The following LRMDA variants were observed in gnomAD, a reference collection of about 807,000 sequenced individuals.
LRMDA encodes the protein leucine-rich melanocyte differentiation-associated protein.
Under a neutral mutation model 29.8 loss-of-function variants are expected in LRMDA, and 18 were observed. The ratio of observed to expected loss-of-function variants is 0.60; its 90% CI spans 0.42 to 0.90. The LOEUF is 0.90. LRMDA is among the 40% of genes least tolerant of loss of function. LRMDA has a pLI of 0.00. For missense variants in LRMDA, 273 were observed against 273.9 expected (o/e 1.00, Z 0.02); for synonymous variants, 125 against 109.4 (o/e 1.14, Z -0.89).
At chr10:75,875,148 T>G (rs1384303545) in intron 2 of LRMDA, among the ~76,000 whole-genome samples, 2 of 152,212 alleles carry the variant, frequency 1.3e-5, no homozygotes, top group South Asian at 2.1e-4. Flanking sequence ...TAGAGAGAGA[T>G]AGAAGAGTGG....
intron 2 of LRMDA, among the ~76,000 whole-genome samples, chr10:75,974,514 T>TTATTGA (rs1645974484): frequency 6.6e-6 from 1 of 152,168 alleles, no homozygotes; most frequent in Non-Finnish European, 1.5e-5. Flanking sequence ...AGGGTTGCTG[T>TTATTGA]TATTGATAAT....
intron 3 of LRMDA, 22 bp downstream of exon 3, chr10:76,036,156 G>A (rs1395905337): frequency 6.2e-7 from 1 of 1,604,602 alleles, no homozygotes; most frequent in Non-Finnish European, 8.5e-7. Context: ...TCTGCCCGCT[G>A]CCCCCACTCC....
At chr10:76,259,849 A>G (rs866714240) in intron 5 of LRMDA, among the ~76,000 whole-genome samples, 1 of 151,996 alleles carries the variant, frequency 6.6e-6, no homozygotes, top group Non-Finnish European at 1.5e-5. Flanking sequence ...ATCTCTTTTT[A>G]GAACTTTTTA....
intron 2 of LRMDA, among the ~76,000 whole-genome samples, chr10:75,794,020 C>T (rs1461048187): frequency 6.6e-6 from 1 of 152,236 alleles, no homozygotes; most frequent in Non-Finnish European, 1.5e-5. Context: ...ATGTTCCAAT[C>T]AACTTTTGTT....
chr10:75,731,456 G>A (rs371851711), intron 2 of LRMDA, among the ~76,000 whole-genome samples: 21 of 152,304 alleles, frequency 1.4e-4, no homozygotes, highest in East Asian at 1.2e-3. Flanking sequence ...GAAGTAGAAC[G>A]TTGTCTTTCT....
intron 2 of LRMDA, among the ~76,000 whole-genome samples, chr10:75,862,875 C>T (rs373597940): frequency 1.4e-4 from 22 of 152,178 alleles, no homozygotes; most frequent in African/African-American, 1.9e-4. Context: ...GAGGGCAGTC[C>T]ATTTCTTACC....
At chr10:75,750,109 C>T (rs540825856) in intron 2 of LRMDA, among the ~76,000 whole-genome samples, 42 of 152,350 alleles carry the variant, frequency 2.8e-4, no homozygotes, top group South Asian at 1.4e-3. Flanking sequence ...AAACCACCAT[C>T]GTCATCATGG....
intron 2 of LRMDA, among the ~76,000 whole-genome samples, chr10:75,918,304 A>G (rs1845968655): frequency 6.6e-6 from 1 of 152,156 alleles, no homozygotes; most frequent in Non-Finnish European, 1.5e-5. Flanking sequence ...ATTTTTTTAA[A>G]AAGAGCCTTA....
At chr10:76,240,345 A>G (rs1852248978) in intron 5 of LRMDA, among the ~76,000 whole-genome samples, 1 of 150,124 alleles carries the variant, frequency 6.7e-6, no homozygotes, top group Admixed American at 6.6e-5. Context: ...AAAACCAAAC[A>G]TCATATGTTC....
intron 5 of LRMDA, among the ~76,000 whole-genome samples, chr10:76,286,991 T>C (rs191142638): frequency 6.6e-6 from 1 of 152,300 alleles, no homozygotes; most frequent in Admixed American, 6.5e-5. Flanking sequence ...TCAAACTTTA[T>C]TATTATGTCC....
At chr10:75,814,036 G>A (rs1021165928) in intron 2 of LRMDA, among the ~76,000 whole-genome samples, 1 of 152,164 alleles carries the variant, frequency 6.6e-6, no homozygotes, top group Non-Finnish European at 1.5e-5. Context: ...GCTTTCATTT[G>A]AATGTTTGCC....
At chr10:75,914,285 A>C (rs1046166346) in intron 2 of LRMDA, among the ~76,000 whole-genome samples, 5 of 152,198 alleles carry the variant, frequency 3.3e-5, no homozygotes, top group Non-Finnish European at 5.9e-5. Flanking sequence ...TGAAATGGCT[A>C]GTTTATGTTA....
At chr10:76,549,960 T>C (rs1843473708) in intron 6 of LRMDA, among the ~76,000 whole-genome samples, 1 of 152,186 alleles carries the variant, frequency 6.6e-6, no homozygotes, top group African/African-American at 2.4e-5. Context: ...GCAATTTAGA[T>C]CTGCAATATT....
intron 5 of LRMDA, among the ~76,000 whole-genome samples, chr10:76,163,972 G>A (rs1242052193): frequency 6.6e-6 from 1 of 152,282 alleles, no homozygotes; most frequent in Admixed American, 6.5e-5. Flanking sequence ...TTTAGACAGG[G>A]TGACAATTAT....
intron 5 of LRMDA, among the ~76,000 whole-genome samples, chr10:76,210,762 C>G (rs1253189223): frequency 6.6e-6 from 1 of 152,136 alleles, no homozygotes; most frequent in Non-Finnish European, 1.5e-5. Context: ...CTCCGCATCT[C>G]TAACAAATGA....
chr10:75,881,639 A>G (rs1294063575), intron 2 of LRMDA, among the ~76,000 whole-genome samples: 3 of 152,172 alleles, frequency 2.0e-5, no homozygotes, highest in African/African-American at 4.8e-5. Flanking sequence ...AACCAGTGAG[A>G]CTGATTGCAG....
intron 6 of LRMDA, among the ~76,000 whole-genome samples, chr10:76,362,982 T>C (rs1841329613): frequency 6.6e-6 from 1 of 151,342 alleles, no homozygotes; most frequent in Non-Finnish European, 1.5e-5. Context: ...TGGGGATTAA[T>C]TCCTACCTTT....
At chr10:76,292,495 T>G (rs1317650398) in intron 5 of LRMDA, among the ~76,000 whole-genome samples, 1 of 152,132 alleles carries the variant, frequency 6.6e-6, no homozygotes, top group African/African-American at 2.4e-5. Flanking sequence ...AATGGGCAAT[T>G]TGCTTGAAAT....
chr10:75,739,335 T>A (rs1409903969), intron 2 of LRMDA, among the ~76,000 whole-genome samples: 3 of 152,250 alleles, frequency 2.0e-5, no homozygotes, highest in Non-Finnish European at 4.4e-5. Context: ...TACTTTATCA[T>A]GTTTCTCCTC....
Sources: gnomAD v4.1 joint callset for allele counts (sites outside exome capture counted in the v4.1 genomes callset) on GRCh38, gnomAD v4.1.1 for gene constraint, MANE v1.5 for transcripts, NCBI Gene and HGNC (gene_info 2026-07-23, HGNC 2026-07-21) for gene names.